TOP2B: variants seen among roughly 807,000 people sequenced by gnomAD.
TOP2B encodes the protein DNA topoisomerase II beta.
Under a neutral mutation model 193.5 loss-of-function variants are expected in TOP2B, and 51 were observed. That is an observed-to-expected ratio of 0.26 (90% CI 0.21 to 0.33). The LOEUF (loss-of-function observed/expected upper bound fraction) is 0.33, where lower values mean the gene tolerates loss of function less well. Ranked by LOEUF, TOP2B falls within the 10% of genes least tolerant of loss-of-function variation. The probability of loss-of-function intolerance (pLI) is 1.00; values close to 1 mark genes in which losing one functional copy is unlikely to be tolerated. For synonymous variants in TOP2B, 634 were observed against 635.7 expected, an observed-to-expected ratio of 1.00 and a Z score of 0.04; for missense variants, 1,378 against 1,909.3, an observed-to-expected ratio of 0.72 and a Z score of 5.19.
chr3:25,599,558 C>G (rs964834073), intron 34 of TOP2B, 29 bp from the exon 35 acceptor site: 1 of 1,587,478 alleles, frequency 6.3e-7, no homozygotes, highest in African/African-American at 1.3e-5. Flanking sequence ...GTTTTTTCTT[C>G]CGTGGTTAAG....
At chr3:25,647,994 C>G (rs1313783364) in intron 1 of TOP2B, among the ~76,000 whole-genome samples, 2 of 152,210 alleles carry the variant, frequency 1.3e-5, no homozygotes, top group South Asian at 2.1e-4. Flanking sequence ...CATGTCCTCC[C>G]TCCTATCTGC....
intron 4 of TOP2B, among the ~76,000 whole-genome samples, chr3:25,640,748 T>C (rs1049050234): frequency 1.3e-5 from 2 of 148,710 alleles, no homozygotes; most frequent in African/African-American, 2.5e-5. Context: ...CACTTCTTCG[T>C]TGTCTTTTTT....
At position 25,664,543 on chromosome 3, in the gene TOP2B, T is replaced by C; in HGVS notation, c.-246A>G. The C allele has an allele frequency of 8.9e-7, 1 of 1,123,172 alleles. No homozygotes were observed. The allele number at this position is 1,123,172 out of a possible 1,614,324, so 69.6% of individuals were successfully genotyped here. ...CGTCGCCCGGGCCTAGCGCGGCGGCTGAGGAGAAAGCAGGGAGCGACCGGC... is the reference window on the plus strand; with the variant it reads ...CGTCGCCCGGGCCTAGCGCGGCGGCCGAGGAGAAAGCAGGGAGCGACCGGC... On this transcript the variant is annotated 5_prime_UTR_variant, in exon 1 of 36. Transcript: ENST00000264331.
At chr3:25,617,857 T>G (rs1396853911) in intron 25 of TOP2B, among the ~76,000 whole-genome samples, 1 of 152,202 alleles carries the variant, frequency 6.6e-6, no homozygotes, top group Admixed American at 6.5e-5. Context: ...AATGGGCAAC[T>G]TACTTAATAA....
At chr3:25,628,170 T>TAAAAA in intron 15 of TOP2B, among the ~76,000 whole-genome samples, 1 of 134,744 alleles carries the variant, frequency 7.4e-6, no homozygotes. Context: ...TTAACATTAT[T>TAAAAA]TAAAAAAAAA....
chr3:25,647,866 C>G (rs926116454), intron 1 of TOP2B, among the ~76,000 whole-genome samples: 7 of 152,154 alleles, frequency 4.6e-5, no homozygotes, highest in Non-Finnish European at 7.4e-5. Context: ...GATGGCAAAA[C>G]AAGAAACCCC....
chr3:25,664,703 C>A lies in TOP2B; in HGVS notation c.-406G>T. The A allele has an allele frequency of 1.0e-6, 1 of 985,236 alleles. No homozygotes were observed. The highest frequency in any genetic ancestry group is 1.2e-6 in the Non-Finnish European group (1 of 829,846). The allele number at this position is 985,236 out of a possible 1,614,324, so 61.0% of individuals were successfully genotyped here. ...CGGACGTGGCGAGGACGCAGAGGTG[C>A]CTTGTCCTTCTCACACTCCGCGAAG... On this transcript the variant is annotated 5_prime_UTR_variant, in exon 1 of 36. Coordinates refer to ENST00000264331, the MANE Select transcript of TOP2B (RefSeq NM_001330700.2).
intron 31 of TOP2B, 150 bp downstream of exon 31, chr3:25,607,021 G>T: frequency 8.6e-7 from 1 of 1,164,258 alleles, no homozygotes; most frequent in Non-Finnish European, 1.2e-6. Flanking sequence ...CAACTGTGAT[G>T]GGAACAGCTG....
intron 1 of TOP2B, among the ~76,000 whole-genome samples, chr3:25,662,694 AAC>A (rs1703953041): frequency 2.0e-5 from 3 of 152,382 alleles, no homozygotes; most frequent in South Asian, 2.1e-4. Flanking sequence ...AAAATTATAT[AAC>A]AGTTAATTAA....
intron 25 of TOP2B, among the ~76,000 whole-genome samples, chr3:25,616,324 A>C (rs1162408831): frequency 6.6e-6 from 1 of 151,756 alleles, no homozygotes; most frequent in Admixed American, 6.6e-5. Flanking sequence ...CCATTAAATA[A>C]AATTTTATCT....
intron 27 of TOP2B, among the ~76,000 whole-genome samples, chr3:25,614,130 A>G (rs1575566035): frequency 6.6e-6 from 1 of 152,332 alleles, no homozygotes; most frequent in East Asian, 1.9e-4. Context: ...GACCTATTTC[A>G]TTAATTGTCA....
chr3:25,651,450 A>AC (rs1703586575), intron 1 of TOP2B, among the ~76,000 whole-genome samples: 1 of 152,008 alleles, frequency 6.6e-6, no homozygotes, highest in African/African-American at 2.4e-5. Context: ...GTCACTAAAA[A>AC]AAAAAAAAAT....
At chr3:25,631,589 C>T (rs6798792) in intron 10 of TOP2B, among the ~76,000 whole-genome samples, 52,597 of 151,774 alleles carry the variant, frequency 0.35, 9,674 homozygotes, top group African/African-American at 0.47. Context: ...GTGTATAAAA[C>T]AGTTTTCTGG....
intron 16 of TOP2B, 66 bp downstream of exon 16, chr3:25,627,121 T>C (rs891568303): frequency 3.5e-6 from 4 of 1,139,810 alleles, no homozygotes; most frequent in Non-Finnish European, 5.1e-6. Context: ...GAACCAGGAC[T>C]GGGAGGAAAG....
chr3:25,612,467 T>C (rs751838718), intron 28 of TOP2B, 48 bp downstream of exon 28: 56 of 1,413,736 alleles, frequency 4.0e-5, no homozygotes, highest in Admixed American at 6.5e-5. Flanking sequence ...ATTATACATA[T>C]ATTTCATTAT....
chr3:25,660,405 T>A (rs1033644891), intron 1 of TOP2B, among the ~76,000 whole-genome samples: 11 of 152,316 alleles, frequency 7.2e-5, no homozygotes, highest in Middle Eastern at 3.4e-3. Context: ...AAATAAAGAC[T>A]TCTGTTTTAT....
chr3:25,620,553 G>T, intron 22 of TOP2B, 129 bp downstream of exon 22: 1 of 921,166 alleles, frequency 1.1e-6, no homozygotes, highest in Non-Finnish European at 1.6e-6. Flanking sequence ...CAACTGAAGG[G>T]TAAAAGAAGG....
Position 25,630,307 on chromosome 3 carries a change from C to T in TOP2B, c.1563+5G>A, listed in dbSNP as rs1333256425. On this transcript the variant is annotated splice_donor_5th_base_variant and intron_variant, in intron 12 of 35. Transcript: ENST00000264331. ...ATACACATATATATACACACACATA[C>T]ATACCTGTTTATGAGAAGCTTCCCG... is the stretch of plus-strand genomic sequence containing the variant. 11 of 1,550,766 alleles carry T rather than the reference C, an allele frequency of 7.1e-6. No homozygotes were observed. Among genetic ancestry groups the T allele is most frequent in the Non-Finnish European group, 9.6e-6 (11 of 1,146,428 alleles).
intron 8 of TOP2B, among the ~76,000 whole-genome samples, 169 bp from the exon 9 acceptor site, chr3:25,632,963 CTG>C (rs1347545839): frequency 1.3e-5 from 2 of 152,024 alleles, no homozygotes; most frequent in East Asian, 1.9e-4. Flanking sequence ...AAACCAACCG[CTG>C]TGTTTTTTTT....
Sources: allele counts gnomAD v4.1 joint callset (sites outside exome capture counted in the v4.1 genomes callset), GRCh38; gene constraint gnomAD v4.1.1; transcripts MANE v1.5; gene names NCBI Gene and HGNC (gene_info 2026-07-23, HGNC 2026-07-21).